The following HGS variants were observed in gnomAD, a reference collection of about 807,000 sequenced individuals.
HGS encodes the protein hepatocyte growth factor-regulated tyrosine kinase substrate.
Under a neutral mutation model 109.7 loss-of-function variants are expected in HGS, and 63 were observed. The observed-to-expected ratio is 0.57, with a 90% CI of 0.47 to 0.71. The LOEUF (loss-of-function observed/expected upper bound fraction) is 0.71, where lower values mean the gene tolerates loss of function less well. Among genes scored for constraint, HGS ranks in the 30% least tolerant of loss-of-function variants. HGS has a pLI of 0.00. For synonymous variants in HGS, 546 were observed against 437.3 expected (o/e 1.25, Z -3.10); for missense variants, 995 against 1,068.3 (o/e 0.93, Z 0.96).
At chr17:81,701,242 A>G (rs1446654516) in intron 21 of HGS, 111 bp downstream of exon 21, 2 of 1,011,278 alleles carry the variant, frequency 2.0e-6, no homozygotes. Context: ...GTCTGCTCAC[A>G]GGGGGAGACG....
intron 15 of HGS, 163 bp from the exon 16 acceptor site, chr17:81,696,194 T>A: frequency 1.1e-6 from 1 of 935,570 alleles, no homozygotes; most frequent in South Asian, 2.0e-5. Flanking sequence ...TGCCCTGCCC[T>A]GCCCTGCCCA....
At chr17:81,693,799 T>G in intron 10 of HGS, 47 bp downstream of exon 10, 1 of 1,547,908 alleles carries the variant, frequency 6.5e-7, no homozygotes. Context: ...CCAGCTCCCC[T>G]GGATGTGCTG....
intron 6 of HGS, 118 bp downstream of exon 6, chr17:81,690,352 C>G (rs115413422): frequency 3.8e-6 from 4 of 1,040,376 alleles, no homozygotes; most frequent in Non-Finnish European, 5.9e-6. Context: ...TGTCTGGGAC[C>G]TGAGGATGCC....
At chr17:81,684,323 G>A (rs1294551417) in intron 1 of HGS, 1 of 377,996 alleles carries the variant, frequency 2.6e-6, no homozygotes, top group East Asian at 4.1e-5. Context: ...GCTCTGCGAG[G>A]GTCCGCGCAG....
intron 4 of HGS, among the ~76,000 whole-genome samples, chr17:81,687,804 T>C (rs1447849388): frequency 2.0e-5 from 3 of 149,334 alleles, no homozygotes; most frequent in Non-Finnish European, 2.9e-5. Flanking sequence ...CTGGGTCTCA[T>C]AGGAGACTCC....
chr17:81,693,830 C>CA, intron 10 of HGS, 40 bp from the exon 11 acceptor site: 1 of 1,569,562 alleles, frequency 6.4e-7, no homozygotes, highest in African/African-American at 1.4e-5. Context: ...GGAGGGGCGT[C>CA]ACGTGCACCC....
intron 2 of HGS, among the ~76,000 whole-genome samples, chr17:81,685,938 CT>C (rs113922227): frequency 1.1e-4 from 17 of 149,888 alleles, no homozygotes; most frequent in East Asian, 2.0e-4. Flanking sequence ...GGCAGACAGA[CT>C]TTTTTTTTTA....
Position 81,685,594 on chromosome 17 carries a change from TTC to T in HGS, c.38-4_38-3del. 1 of 1,603,952 alleles carries T rather than the reference TTC, an allele frequency of 6.2e-7. No homozygotes were observed. Among genetic ancestry groups the T allele is most frequent in the Non-Finnish European group, 8.5e-7 (1 of 1,174,348 alleles). On this transcript the variant is annotated splice_polypyrimidine_tract_variant and intron_variant, in intron 1 of 21. Coordinates refer to ENST00000329138, the MANE Select transcript of HGS (RefSeq NM_004712.5). ...GATAACCCCTCCCTTTCATGGCATT[TTC>T]TCTCTCAGACAAGGCGACCAGCCAG...
chr17:81,697,278 A>C, intron 18 of HGS: 1 of 335,432 alleles, frequency 3.0e-6, no homozygotes, highest in African/African-American at 2.1e-5. Flanking sequence ...CCTCGTCTGT[A>C]GCAGGCTCAG....
intron 4 of HGS, among the ~76,000 whole-genome samples, chr17:81,687,777 C>T (rs1225738561): frequency 6.6e-6 from 1 of 152,076 alleles, no homozygotes; most frequent in African/African-American, 2.4e-5. Context: ...CCTTCTGTCC[C>T]AACCTGTGGG....
In HGS at chr17:81,694,941, C is replaced by T. The variant is rs1008759604; in HGVS notation, c.993C>T (p.Asn331=). The part of the protein sequence containing the change: ...DIDPELARYL[N]RNYWEKKQEE... ...GCCTGCAGCTCGCACGGTATCTCAA[C>T]CGGAACTACTGGGAGAAGAAGCAGG... Residue 331 remains asparagine, a synonymous_variant, in exon 13 of 22, where the codon AAC becomes AAT. Coordinates refer to ENST00000329138, the MANE Select transcript of HGS (RefSeq NM_004712.5). The T allele has an allele frequency of 1.9e-6, 3 of 1,614,096 alleles. No individual in the cohort carries two copies. The highest frequency in any genetic ancestry group is 1.6e-4 in the Middle Eastern group (1 of 6,084).
At chr17:81,690,545 C>A in intron 6 of HGS, 129 bp from the exon 7 acceptor site, 1 of 883,562 alleles carries the variant, frequency 1.1e-6, no homozygotes, top group Non-Finnish European at 1.7e-6. Flanking sequence ...AAGGGCCGCC[C>A]GGGGCATTGC....
chr17:81,684,919 A>G (rs2036950058), intron 1 of HGS: 34 of 985,286 alleles, frequency 3.5e-5, no homozygotes, highest in Non-Finnish European at 4.0e-5. Flanking sequence ...GGATGAATCC[A>G]GAGGTTAACT....
At chr17:81,694,715 G>C (rs887227406) in intron 11 of HGS, 100 bp from the exon 12 acceptor site, 3 of 1,440,252 alleles carry the variant, frequency 2.1e-6, no homozygotes, top group Non-Finnish European at 2.0e-6. Flanking sequence ...CCCAGGCTGC[G>C]GCTCTGGTCT....
In HGS at chr17:81,701,144, C is replaced by G. The variant is rs369594913; in HGVS notation, c.2223+13C>G. On this transcript the variant is annotated intron_variant, in intron 21 of 21. Transcript: ENST00000329138. ...CATGTACCAGCAGGTGAGCCATTCCCGGGGCCTCACAGCGGCACCCGCAGG... is the reference window on the plus strand; with the variant it reads ...CATGTACCAGCAGGTGAGCCATTCCGGGGGCCTCACAGCGGCACCCGCAGG... 1 of 1,610,622 alleles carries G rather than the reference C, an allele frequency of 6.2e-7. No individual in the cohort carries two copies. The highest frequency in any genetic ancestry group is 1.3e-5 in the African/African-American group (1 of 74,846).
rs550859020 is a variant in HGS at position 81,701,807 on chromosome 17, CTGCTT to C, written c.*191_*195del. On this transcript the variant is annotated 3_prime_UTR_variant, in exon 22 of 22. Transcript: ENST00000329138. Reference sequence around the variant, plus strand: ...CCTACTGCAGTCCCTGAGTTAGTCTCTGCTTTCTTTCCCCAGGGCTGGGCCATGGG... The same window carrying C: ...CCTACTGCAGTCCCTGAGTTAGTCTCTCTTTCCCCAGGGCTGGGCCATGGG... 8 of 820,530 alleles carry C rather than the reference CTGCTT, an allele frequency of 9.7e-6. No homozygotes were observed. The African/African-American group carries it at 1.1e-4, about 11-fold the overall frequency. 50.8% of individuals were successfully genotyped at this position (820,530 alleles called of 1,614,324 possible).
At position 81,696,950 on chromosome 17, in the gene HGS, C is replaced by G; in HGVS notation, c.1834C>G (p.Pro612Ala). ...AATGCACGGCGTGTACATGAGCCAG[C>G]CGGCCCCTGCCGCTGGCCCCTACCC... ...SPMHGVYMSQ[P>A]APAAGPYPSM... The change falls in exon 18 of 22, where the codon CCG becomes GCG. Residue 612 changes from proline to alanine, a missense_variant. Pro to Ala is a conservative substitution (Grantham distance 27). Transcript: ENST00000329138. 1 of 1,602,940 alleles carries G rather than the reference C, an allele frequency of 6.2e-7. No individual in the cohort carries two copies. The highest frequency in any genetic ancestry group is 1.1e-5 in the South Asian group (1 of 90,914).
intron 2 of HGS, 123 bp from the exon 3 acceptor site, chr17:81,686,189 C>T (rs1803718007): frequency 7.7e-6 from 6 of 782,066 alleles, no homozygotes; most frequent in Non-Finnish European, 1.1e-5. Flanking sequence ...CCTTGGCCTC[C>T]CAAAGCACTG....
intron 4 of HGS, 38 bp from the exon 5 acceptor site, chr17:81,688,666 G>A (rs2037019321): frequency 6.2e-7 from 1 of 1,610,766 alleles, no homozygotes; most frequent in Non-Finnish European, 8.5e-7. Flanking sequence ...GGCGCCTGGA[G>A]TGTCCTGCGA....
Sources: allele counts gnomAD v4.1 joint callset (sites outside exome capture counted in the v4.1 genomes callset), GRCh38; gene constraint gnomAD v4.1.1; transcripts MANE v1.5; gene names NCBI Gene and HGNC (gene_info 2026-07-23, HGNC 2026-07-21).